The following PRRC2C variants were observed in gnomAD, a reference collection of about 807,000 sequenced individuals.
PRRC2C encodes proline rich coiled-coil 2C.
PRRC2C carries 72 observed loss-of-function variants against 317.2 expected under a neutral mutation model. The ratio of observed to expected loss-of-function variants is 0.23; its 90% CI spans 0.19 to 0.28. The LOEUF (loss-of-function observed/expected upper bound fraction) is 0.28. Ranked by LOEUF, PRRC2C falls within the 10% of genes least tolerant of loss-of-function variation. PRRC2C has a pLI of 1.00. For synonymous variants in PRRC2C, 1,296 were observed against 1,205.9 expected (o/e 1.07, Z -1.55); for missense variants, 3,074 against 3,459.7 (o/e 0.89, Z 2.80).
chr1:171,505,099 C>T (rs1557871798), intron 1 of PRRC2C, among the ~76,000 whole-genome samples: 1 of 150,822 alleles, frequency 6.6e-6, no homozygotes, highest in Non-Finnish European at 1.5e-5. Context: ...ACGATCTCTG[C>T]TCATGGCAAA....
At chr1:171,580,936 A>G (rs2102833376) in intron 28 of PRRC2C, among the ~76,000 whole-genome samples, 1 of 152,344 alleles carries the variant, frequency 6.6e-6, no homozygotes, top group Non-Finnish European at 1.5e-5. Flanking sequence ...TAAACCTGTC[A>G]TCAGTTAATA....
At chr1:171,509,736 C>A (rs1252459439) in intron 1 of PRRC2C, 2 of 151,448 alleles carry the variant, frequency 1.3e-5, no homozygotes, top group African/African-American at 4.9e-5. Context: ...GCCCCTTCCT[C>A]AGAGTTTGAT....
At chr1:171,514,415 A>G in intron 3 of PRRC2C, 121 bp from the exon 4 acceptor site, 1 of 697,604 alleles carries the variant, frequency 1.4e-6, no homozygotes. Flanking sequence ...CATTTATTGG[A>G]GATTTACCAA....
rs148351271 is a variant in PRRC2C, at chr1:171,587,315, C to T, written c.7968+94C>T. On this transcript the variant is annotated intron_variant, in intron 31 of 34. Coordinates refer to ENST00000647382, the MANE Select transcript of PRRC2C (RefSeq NM_001387844.1). The stretch of plus-strand genomic sequence containing the variant: ...TGTTATCTAAAAAACTAAAATGCGT[C>T]AGTTTTTACCACCCTGCAAAAATCT... The T allele has an allele frequency of 1.8e-4, 208 of 1,126,330 alleles. 2 individuals carry two copies. The African/African-American group carries it at 2.1e-3, about 11-fold the overall frequency. The allele number at this position is 1,126,330 out of a possible 1,614,324, so 69.8% of individuals were successfully genotyped here.
intron 19 of PRRC2C, among the ~76,000 whole-genome samples, 195 bp downstream of exon 19, chr1:171,558,338 G>GTTAA (rs1681849317): frequency 6.7e-6 from 1 of 150,254 alleles, no homozygotes; most frequent in Admixed American, 6.7e-5. Context: ...ATATTTTATG[G>GTTAA]AAATAATTTT....
chr1:171,540,803 A>G lies in PRRC2C; in HGVS notation c.3337A>G (p.Ser1113Gly). 6.2e-7 allele frequency: 1 copy of G among 1,613,934 alleles called. No homozygotes were observed. The highest frequency in any genetic ancestry group is 8.5e-7 in the Non-Finnish European group (1 of 1,179,808). ...TACTGAGAAGCCTCTGGAACCTGTGAGTACTGTTCAGGTAGAGCCTGCAGT... is the reference window on the plus strand; with the variant it reads ...TACTGAGAAGCCTCTGGAACCTGTGGGTACTGTTCAGGTAGAGCCTGCAGT... ...QDTEKPLEPV[S>G]TVQVEPAVKT... is the part of the protein sequence containing the mutation. The change falls in exon 16 of 35, where the codon AGT becomes GGT. Residue 1113 changes from serine to glycine, a missense_variant. Around this residue, in one of 11 missense-constraint regions of PRRC2C, gnomAD observed 1,320 missense variants for 1,395.7 expected, o/e 0.95. Coordinates refer to ENST00000647382, the MANE Select transcript of PRRC2C (RefSeq NM_001387844.1).
intron 17 of PRRC2C, among the ~76,000 whole-genome samples, chr1:171,547,692 G>A (rs1679415050): frequency 7.5e-6 from 1 of 133,786 alleles, no homozygotes; most frequent in Non-Finnish European, 1.5e-5. Flanking sequence ...CCCCCAGGCT[G>A]GAAGGCGGTG....
At chr1:171,503,526 A>G (rs1337834117) in intron 1 of PRRC2C, among the ~76,000 whole-genome samples, 1 of 151,468 alleles carries the variant, frequency 6.6e-6, no homozygotes, top group Non-Finnish European at 1.5e-5. Flanking sequence ...TCCATCTCAA[A>G]AAAAAAAAAA....
rs1387968923 is a variant in PRRC2C at position 171,579,481 on chromosome 1, T to C, written c.7272+15T>C. ...GTCTCTCTCAGGTAATATCAAAGACTTCTTCCATCCTGTATTTGTTCCTTC... is the reference window on the plus strand; with the variant it reads ...GTCTCTCTCAGGTAATATCAAAGACCTCTTCCATCCTGTATTTGTTCCTTC... On this transcript the variant is annotated intron_variant, in intron 27 of 34. Transcript: ENST00000647382. 6.2e-7 allele frequency: 1 copy of C among 1,611,762 alleles called. No homozygotes were observed. The highest frequency in any genetic ancestry group is 2.2e-5 in the East Asian group (1 of 44,854).
intron 23 of PRRC2C, 36 bp from the exon 24 acceptor site, chr1:171,571,282 CAT>C (rs768250405): frequency 5.7e-6 from 7 of 1,236,820 alleles, no homozygotes; most frequent in Non-Finnish European, 2.4e-6. Context: ...GTAGTAGACA[CAT>C]AGTTAGATTG....
chr1:171,559,815 CTG>C (rs1682303658), intron 19 of PRRC2C, among the ~76,000 whole-genome samples: 1 of 152,170 alleles, frequency 6.6e-6, no homozygotes, highest in Admixed American at 6.5e-5. Context: ...GCCACCATGC[CTG>C]GCCCATACCT....
intron 17 of PRRC2C, among the ~76,000 whole-genome samples, chr1:171,546,987 G>A (rs539583652): frequency 4.6e-5 from 7 of 152,192 alleles, no homozygotes; most frequent in African/African-American, 1.7e-4. Flanking sequence ...AGCACTTTGG[G>A]AGGCTGAGGT....
At chr1:171,590,087 A>G (rs1651090287) in intron 34 of PRRC2C, among the ~76,000 whole-genome samples, 1 of 151,352 alleles carries the variant, frequency 6.6e-6, no homozygotes, top group East Asian at 1.9e-4. Context: ...AAACTCTGGA[A>G]TGGGTAAGAT....
At chr1:171,582,795 C>T (rs1294043834) in intron 28 of PRRC2C, among the ~76,000 whole-genome samples, 2 of 149,992 alleles carry the variant, frequency 1.3e-5, no homozygotes, top group East Asian at 1.9e-4. Flanking sequence ...GAGTGAGTGG[C>T]GAGTGATATT....
chr1:171,486,581 T>C (rs1235433866), intron 1 of PRRC2C, among the ~76,000 whole-genome samples: 1 of 152,162 alleles, frequency 6.6e-6, no homozygotes, highest in Non-Finnish European at 1.5e-5. Context: ...TTGGGATCTT[T>C]TGAGGGTCTG....
rs150846090 is a variant in PRRC2C, at chr1:171,544,120, T to C, written c.4764-1359T>C. On this transcript the variant is annotated intron_variant, in intron 16 of 34. Transcript: ENST00000647382. The stretch of plus-strand genomic sequence containing the variant: ...GTTTCCAACACATGAACTTTTTTTT[T>C]TTTATTGAGGGCGTGGGTGAGGGAC... Among the ~76,000 whole-genome samples the C allele has an allele frequency of 3.8e-3, 585 of 152,230 alleles. 3 individuals are homozygous for C. Among genetic ancestry groups the C allele is most frequent in the African/African-American group, 0.013 (534 of 41,540 alleles).
intron 10 of PRRC2C, among the ~76,000 whole-genome samples, chr1:171,525,803 T>C (rs548857441): frequency 2.0e-5 from 3 of 152,280 alleles, no homozygotes; most frequent in African/African-American, 7.2e-5. Flanking sequence ...AATATAGCTG[T>C]TACAAGCAGT....
intron 23 of PRRC2C, 70 bp from the exon 24 acceptor site, chr1:171,571,250 C>A: frequency 1.2e-6 from 1 of 852,534 alleles, no homozygotes; most frequent in Non-Finnish European, 1.9e-6. Flanking sequence ...AACACCTTAG[C>A]ATTGTCTTTA....
intron 18 of PRRC2C, among the ~76,000 whole-genome samples, chr1:171,556,822 GAA>G (rs1277339684): frequency 2.0e-5 from 3 of 152,290 alleles, no homozygotes; most frequent in African/African-American, 7.2e-5. Context: ...CAAATTTTCA[GAA>G]GTCATTTATT....
Sources: gnomAD v4.1 joint callset for allele counts (sites outside exome capture counted in the v4.1 genomes callset) on GRCh38, gnomAD v4.1.1 for gene constraint, gnomAD v4.1.1 regional missense constraint, MANE v1.5 for transcripts, NCBI Gene and HGNC (gene_info 2026-07-23, HGNC 2026-07-21) for gene names.